GPC6: variants seen among roughly 807,000 people sequenced by gnomAD.
The protein encoded by GPC6 is glypican-6.
Under a neutral mutation model 55.2 loss-of-function variants are expected in GPC6, and 14 were observed. That is an observed-to-expected ratio of 0.25 (90% CI 0.17 to 0.40). The LOEUF (loss-of-function observed/expected upper bound fraction) is 0.40, where lower values mean the gene tolerates loss of function less well. Ranked by LOEUF, GPC6 falls within the 10% of genes least tolerant of loss-of-function variation. The probability of loss-of-function intolerance (pLI) is 1.00; values close to 1 mark genes in which losing one functional copy is unlikely to be tolerated. For synonymous variants in GPC6, 278 were observed against 259.6 expected, an observed-to-expected ratio of 1.07 and a Z score of -0.68; for missense variants, 641 against 708.5, an observed-to-expected ratio of 0.90 and a Z score of 1.08.
intron 6 of GPC6, among the ~76,000 whole-genome samples, chr13:94,357,078 C>T (rs1252329884): frequency 6.6e-6 from 1 of 152,134 alleles, no homozygotes; most frequent in African/African-American, 2.4e-5. Flanking sequence ...ACCTGTGTAT[C>T]CTTCTGGACC....
chr13:94,039,752 G>T (rs1402646334), intron 4 of GPC6, among the ~76,000 whole-genome samples: 1 of 151,828 alleles, frequency 6.6e-6, no homozygotes, highest in Admixed American at 6.6e-5. Context: ...CTGACAGATT[G>T]TACCTGGAAT....
At chr13:94,197,433 C>T (rs969687489) in intron 4 of GPC6, among the ~76,000 whole-genome samples, 2 of 152,174 alleles carry the variant, frequency 1.3e-5, no homozygotes, top group African/African-American at 4.8e-5. Flanking sequence ...ATTCTAGAGA[C>T]CAGAAGTCCA....
At chr13:93,922,447 C>T (rs1413981184) in intron 3 of GPC6, among the ~76,000 whole-genome samples, 3 of 152,106 alleles carry the variant, frequency 2.0e-5, no homozygotes, top group Non-Finnish European at 4.4e-5. Flanking sequence ...AATAATTATA[C>T]TACATATCTA....
At chr13:93,858,268 A>C (rs998197172) in intron 3 of GPC6, among the ~76,000 whole-genome samples, 14 of 151,606 alleles carry the variant, frequency 9.2e-5, no homozygotes, top group Non-Finnish European at 1.5e-4. Flanking sequence ...TAATAACATA[A>C]TATTTCTACA....
At chr13:93,791,584 A>T (rs1244262816) in intron 2 of GPC6, among the ~76,000 whole-genome samples, 2 of 152,212 alleles carry the variant, frequency 1.3e-5, no homozygotes, top group Admixed American at 1.3e-4. Flanking sequence ...AACTATGCAC[A>T]GGCCTCGTTG....
chr13:93,472,192 T>C (rs1474333283), intron 1 of GPC6, among the ~76,000 whole-genome samples: 1 of 152,198 alleles, frequency 6.6e-6, no homozygotes, highest in Non-Finnish European at 1.5e-5. Context: ...TTTTATATTA[T>C]CTTGAACATT....
At chr13:93,951,867 A>C (rs752666639) in intron 3 of GPC6, among the ~76,000 whole-genome samples, 11 of 152,136 alleles carry the variant, frequency 7.2e-5, no homozygotes, top group Non-Finnish European at 1.6e-4. Flanking sequence ...GCAAAGGATG[A>C]AACAGTGGAC....
At chr13:93,916,405 C>T (rs1877297123) in intron 3 of GPC6, among the ~76,000 whole-genome samples, 1 of 152,128 alleles carries the variant, frequency 6.6e-6, no homozygotes, top group African/African-American at 2.4e-5. Context: ...ACTGGAACTA[C>T]ATTGCCAAGA....
intron 2 of GPC6, among the ~76,000 whole-genome samples, chr13:93,824,276 AGC>A (rs1438656325): frequency 6.6e-6 from 1 of 152,262 alleles, no homozygotes; most frequent in Admixed American, 6.5e-5. Context: ...ACTTGAGCAA[AGC>A]CTCAATGTGA....
chr13:94,384,463 G>A (rs905395217), intron 7 of GPC6, among the ~76,000 whole-genome samples: 1 of 152,182 alleles, frequency 6.6e-6, no homozygotes, highest in Admixed American at 6.5e-5. Flanking sequence ...CTAACATAAA[G>A]CCTGGGTTTT....
rs140981349 is a variant in GPC6, at chr13:94,024,346, G to A, written c.712-3383G>A. Among the ~76,000 whole-genome samples the A allele has an allele frequency of 2.5e-3, 384 of 152,144 alleles. 1 individual carries two copies. The highest frequency in any genetic ancestry group is 8.9e-3 in the African/African-American group (370 of 41,526). On this transcript the variant is annotated intron_variant, in intron 3 of 8. Coordinates refer to ENST00000377047, the MANE Select transcript of GPC6 (RefSeq NM_005708.5). ...TTTCAAAATGAAAAGATTTTAAAGAGTATCTATTGTGCAATTATAAAACAC... is the reference window on the plus strand; with the variant it reads ...TTTCAAAATGAAAAGATTTTAAAGAATATCTATTGTGCAATTATAAAACAC...
intron 7 of GPC6, among the ~76,000 whole-genome samples, chr13:94,387,862 G>A (rs1292495340): frequency 6.6e-6 from 1 of 152,018 alleles, no homozygotes; most frequent in Non-Finnish European, 1.5e-5. Context: ...GGACACCATG[G>A]TCCCAAGAAT....
intron 2 of GPC6, among the ~76,000 whole-genome samples, chr13:93,733,554 T>G (rs1172592070): frequency 6.6e-6 from 1 of 151,264 alleles, no homozygotes; most frequent in Non-Finnish European, 1.5e-5. Flanking sequence ...AGGCTAATCC[T>G]CTATCACACT....
intron 2 of GPC6, among the ~76,000 whole-genome samples, chr13:93,574,694 CA>C (rs905052961): frequency 7.2e-5 from 11 of 152,060 alleles, no homozygotes; most frequent in Non-Finnish European, 1.6e-4. Flanking sequence ...CATTACCCCC[CA>C]AAAATCTTTC....
chr13:93,811,928 A>G (rs1307247448), intron 2 of GPC6, among the ~76,000 whole-genome samples: 1 of 152,154 alleles, frequency 6.6e-6, no homozygotes, highest in Non-Finnish European at 1.5e-5. Flanking sequence ...ACTTACTGTT[A>G]TAAGAGAAAG....
intron 3 of GPC6, among the ~76,000 whole-genome samples, chr13:93,905,167 G>T (rs150550568): frequency 5.3e-5 from 8 of 151,302 alleles, no homozygotes; most frequent in African/African-American, 1.7e-4. Context: ...AATAAGTAGG[G>T]ATGATTATTT....
At chr13:94,176,436 G>A (rs1311602927) in intron 4 of GPC6, among the ~76,000 whole-genome samples, 1 of 152,124 alleles carries the variant, frequency 6.6e-6, no homozygotes, top group Admixed American at 6.6e-5. Flanking sequence ...TAGCAGAACC[G>A]ATATTTGGAA....
intron 1 of GPC6, among the ~76,000 whole-genome samples, chr13:93,232,681 T>G: frequency 6.6e-6 from 1 of 152,178 alleles, no homozygotes; most frequent in East Asian, 1.9e-4. Flanking sequence ...TTAAGTATTA[T>G]GGCATAAAGA....
At chr13:93,260,733 T>A (rs566930043) in intron 1 of GPC6, among the ~76,000 whole-genome samples, 1 of 152,214 alleles carries the variant, frequency 6.6e-6, no homozygotes, top group East Asian at 1.9e-4. Flanking sequence ...TTAGTACCAT[T>A]TTTCATAGTG....
Sources: allele counts gnomAD v4.1 joint callset (sites outside exome capture counted in the v4.1 genomes callset), GRCh38; gene constraint gnomAD v4.1.1; transcripts MANE v1.5; gene names NCBI Gene and HGNC (gene_info 2026-07-23, HGNC 2026-07-21).